RNPC3: variants seen among roughly 807,000 people sequenced by gnomAD.
RNPC3 encodes the protein RNA binding region (RNP1, RRM) containing 3.
A neutral mutation model predicts 67.5 loss-of-function variants in RNPC3; 48 were observed. The ratio of observed to expected loss-of-function variants is 0.71; its 90% CI spans 0.56 to 0.90. RNPC3 has a LOEUF of 0.90. Ranked by LOEUF, RNPC3 falls within the 40% of genes least tolerant of loss-of-function variation. The pLI, the probability that RNPC3 is intolerant of heterozygous loss-of-function variation, is 0.00. For synonymous variants in RNPC3, 239 were observed against 210.3 expected (o/e 1.14, Z -1.18); for missense variants, 637 against 626.1 (o/e 1.02, Z -0.19).
At chr1:103,550,041 G>A (rs1222819825) in intron 12 of RNPC3, among the ~76,000 whole-genome samples, 1 of 151,824 alleles carries the variant, frequency 6.6e-6, no homozygotes, top group East Asian at 2.0e-4. Flanking sequence ...GTAGACGGCT[G>A]TAATCCCAGC....
chr1:103,551,636 C>CAAAATTAAAAAACCATACTCCA, intron 13 of RNPC3, 85 bp from the exon 14 acceptor site: 4 of 815,580 alleles, frequency 4.9e-6, no homozygotes, highest in Non-Finnish European at 7.8e-6. Flanking sequence ...ACCATACTCC[C>CAAAATTAAAAAACCATACTCCA]ACCATACACT....
intron 7 of RNPC3, among the ~76,000 whole-genome samples, chr1:103,541,039 A>G (rs1393948553): frequency 6.6e-6 from 1 of 152,148 alleles, no homozygotes; most frequent in African/African-American, 2.4e-5. Context: ...GCCGTTTGGC[A>G]TGAAGTCCAG....
At position 103,541,445 on chromosome 1, in the gene RNPC3, T is replaced by C. The variant is rs1651123504; in HGVS notation, c.863T>C (p.Met288Thr). 4 of 1,495,948 alleles carry C rather than the reference T, an allele frequency of 2.7e-6. No individual in the cohort carries two copies. The highest frequency in any genetic ancestry group is 5.0e-5 in the Admixed American group (2 of 40,168). The allele number at this position is 1,495,948 out of a possible 1,614,324, so 92.7% of individuals were successfully genotyped here. A position where few individuals can be genotyped will look rare whatever the true frequency, so the allele number is the denominator to read the frequency against. The change falls in exon 8 of 15, where the codon ATG becomes ACG. Residue 288 changes from methionine to threonine, a missense_variant. Met to Thr is a moderately conservative substitution (Grantham distance 81). This residue lies in a region of RNPC3 where 536 missense variants were observed against 500.3 expected (regional missense o/e 1.07). Transcript: ENST00000423855. ...AGAAAAAAGAGAAAAATAAAGGATA[T>C]GTTGAATACACCTTTGTGTCCTTCA... The part of the protein sequence containing the change: ...HVRKKRKIKD[M>T]LNTPLCPSHS...
intron 3 of RNPC3, among the ~76,000 whole-genome samples, 191 bp from the exon 4 acceptor site, chr1:103,534,583 A>AGGT (rs1468127761): frequency 6.6e-6 from 1 of 151,848 alleles, no homozygotes. Context: ...GATTCAGTGA[A>AGGT]GGTTACTTTT....
In RNPC3 at chr1:103,535,435, T is replaced by G. The variant is rs1254382901; in HGVS notation, c.549T>G (p.Tyr183Ter). Residue 183 changes from tyrosine to a stop codon, truncating the protein, a stop_gained, in exon 5 of 15, where the codon TAT (tyrosine) becomes TAG (stop). Coordinates refer to ENST00000423855, the MANE Select transcript of RNPC3 (RefSeq NM_017619.4). LOFTEE classifies it high-confidence loss of function. ...CCTTGGCAAGCGTGCCTAAGTTCTA[T>G]GTACAGGTAAGTAGAATAAAACTTT... ...VNALASVPKF[Y>*]VQVLHLMNKM... 2 of 1,527,398 alleles carry G rather than the reference T, an allele frequency of 1.3e-6. No individual in the cohort carries two copies. Among genetic ancestry groups the G allele is most frequent in the African/African-American group, 2.7e-5 (2 of 72,850 alleles). The allele number at this position is 1,527,398 out of a possible 1,614,324, so 94.6% of individuals were successfully genotyped here. A position where few individuals can be genotyped will look rare whatever the true frequency, so the allele number is the denominator to read the frequency against.
chr1:103,526,271 G>T lies in RNPC3; in HGVS notation c.192+9G>T, dbSNP rs1312952482. On this transcript the variant is annotated intron_variant, in intron 1 of 14. Coordinates refer to ENST00000423855, the MANE Select transcript of RNPC3 (RefSeq NM_017619.4). ...CAGATAAGGGGCGACTGGTAAGGGC[G>T]CGCCCCTCCGGAGTCTCCCGGGAAG... 4 of 1,527,398 alleles carry T rather than the reference G, an allele frequency of 2.6e-6. No homozygotes were observed. Among genetic ancestry groups the T allele is most frequent in the Non-Finnish European group, 3.5e-6 (4 of 1,132,282 alleles). The allele number at this position is 1,527,398 out of a possible 1,614,324, so 94.6% of individuals were successfully genotyped here.
At chr1:103,527,816 C>G (rs1650755747) in intron 2 of RNPC3, 74 bp downstream of exon 2, 5 of 1,117,496 alleles carry the variant, frequency 4.5e-6, no homozygotes, top group Non-Finnish European at 6.4e-6. Context: ...TAATGTTTAA[C>G]TGTGGTTTTT....
At chr1:103,550,543 A>T (rs1041163947) in intron 12 of RNPC3, among the ~76,000 whole-genome samples, 7 of 148,970 alleles carry the variant, frequency 4.7e-5, no homozygotes, top group African/African-American at 1.7e-4. Flanking sequence ...TGGGAAGCTG[A>T]GGTAGGAGAA....
chr1:103,529,705 G>A (rs893252216), intron 2 of RNPC3, among the ~76,000 whole-genome samples: 2 of 152,176 alleles, frequency 1.3e-5, no homozygotes, highest in Admixed American at 1.3e-4. Context: ...AGTTCATTTA[G>A]GGTCTTGAAA....
At chr1:103,539,609 G>A (rs753914247) in intron 7 of RNPC3, among the ~76,000 whole-genome samples, 17 of 152,178 alleles carry the variant, frequency 1.1e-4, no homozygotes, top group Non-Finnish European at 2.2e-4. Context: ...ATTAAAGGAT[G>A]TAGTGAGGAA....
At chr1:103,544,379 G>A (rs1043176871) in intron 9 of RNPC3, among the ~76,000 whole-genome samples, 1 of 151,774 alleles carries the variant, frequency 6.6e-6, no homozygotes, top group African/African-American at 2.4e-5. Flanking sequence ...CTAGTTAGGG[G>A]TAGCTTACTA....
At chr1:103,543,960 T>C (rs574569623) in intron 9 of RNPC3, among the ~76,000 whole-genome samples, 2 of 151,932 alleles carry the variant, frequency 1.3e-5, no homozygotes, top group East Asian at 3.9e-4. Context: ...TTTTTACTTG[T>C]TTTAACCATG....
intron 2 of RNPC3, 74 bp from the exon 3 acceptor site, chr1:103,533,665 G>A (rs1650915491): frequency 1.4e-6 from 1 of 692,386 alleles, no homozygotes; most frequent in South Asian, 1.7e-5. Context: ...AAAAAAAAAA[G>A]TATAAAAATT....
At chr1:103,532,482 TCAG>T (rs1342772374) in intron 2 of RNPC3, among the ~76,000 whole-genome samples, 2 of 152,120 alleles carry the variant, frequency 1.3e-5, no homozygotes, top group Admixed American at 6.5e-5. Flanking sequence ...TTCCTTGACT[TCAG>T]GACAGAAGTC....
At chr1:103,539,088 T>C (rs1253338554) in intron 7 of RNPC3, among the ~76,000 whole-genome samples, 1 of 152,234 alleles carries the variant, frequency 6.6e-6, no homozygotes, top group East Asian at 1.9e-4. Context: ...AACTAGACTT[T>C]AATTACAAAA....
At chr1:103,537,222 A>G (rs912552018) in intron 6 of RNPC3, 120 bp from the exon 7 acceptor site, 1 of 707,580 alleles carries the variant, frequency 1.4e-6, no homozygotes, top group African/African-American at 1.8e-5. Context: ...TAATATGTGT[A>G]GAATGTGTTA....
At chr1:103,544,160 A>C (rs1228047366) in intron 9 of RNPC3, among the ~76,000 whole-genome samples, 1 of 151,652 alleles carries the variant, frequency 6.6e-6, no homozygotes, top group Admixed American at 6.6e-5. Context: ...GTGTATATAC[A>C]TACATGTGTG....
At chr1:103,531,885 G>A (rs1379221302) in intron 2 of RNPC3, among the ~76,000 whole-genome samples, 2 of 151,874 alleles carry the variant, frequency 1.3e-5, no homozygotes, top group African/African-American at 4.8e-5. Flanking sequence ...TTGGGTTCTT[G>A]GTCATGACGT....
Position 103,546,414 on chromosome 1 carries a change from C to T in RNPC3, c.1302+72C>T. The T allele has an allele frequency of 6.0e-6, 4 of 666,052 alleles. No homozygotes were observed. In the South Asian group the frequency reaches 9.0e-5, roughly 15 times the overall value. 41.3% of individuals were successfully genotyped at this position (666,052 alleles called of 1,614,324 possible). A position where few individuals can be genotyped will look rare whatever the true frequency, so the allele number is the denominator to read the frequency against. ...GGTTTTATAGTTGATGTGTTAAAGT[C>T]TGTTTGAAACTACCTTTAAGAATGT... On this transcript the variant is annotated intron_variant, in intron 11 of 14. Transcript: ENST00000423855.
Sources: allele counts gnomAD v4.1 joint callset (sites outside exome capture counted in the v4.1 genomes callset), GRCh38; gene constraint gnomAD v4.1.1; regional missense constraint gnomAD v4.1.1; transcripts MANE v1.5; gene names NCBI Gene and HGNC (gene_info 2026-07-23, HGNC 2026-07-21).